Variants in GBF1 observed in about 807,000 individuals in gnomAD.
The protein encoded by GBF1 is Golgi-specific brefeldin A-resistance guanine nucleotide exchange factor 1.
Under a neutral mutation model 210.5 loss-of-function variants are expected in GBF1, and 114 were observed. The observed-to-expected ratio is 0.54, with a 90% CI of 0.47 to 0.63. GBF1 has a LOEUF of 0.63. Ranked by LOEUF, GBF1 falls within the 30% of genes least tolerant of loss-of-function variation. The pLI is 0.00. For synonymous variants in GBF1, 850 were observed against 889.2 expected, an observed-to-expected ratio of 0.96 and a Z score of 0.78; for missense variants, 1,851 against 2,357.7, an observed-to-expected ratio of 0.79 and a Z score of 4.45.
In GBF1 at chr10:102,379,449, G is replaced by T. The variant is rs777220312; in HGVS notation, c.4645+15G>T. The T allele has an allele frequency of 6.2e-7, 1 of 1,614,084 alleles. No individual in the cohort carries two copies. Among genetic ancestry groups the T allele is most frequent in the Non-Finnish European group, 8.5e-7 (1 of 1,180,006 alleles). On this transcript the variant is annotated intron_variant, in intron 34 of 39. Transcript: ENST00000369983. ...TTTACTGCAGGGTAAACCAGGAGGG[G>T]CAGAGGTAGGGAGTTTGGGGAGCAT...
intron 8 of GBF1, among the ~76,000 whole-genome samples, chr10:102,356,578 G>A (rs753895801): frequency 5.7e-4 from 86 of 151,866 alleles, no homozygotes; most frequent in Non-Finnish European, 1.1e-3. Context: ...ATCCTGGCTA[G>A]CACGGTGAAA....
chr10:102,317,269 AAAT>A (rs1264531441), intron 3 of GBF1, among the ~76,000 whole-genome samples: 4 of 152,350 alleles, frequency 2.6e-5, no homozygotes, highest in African/African-American at 9.6e-5. Context: ...TGTATCTAAA[AAAT>A]AATAATAGCC....
rs2296887 is a variant in GBF1, at chr10:102,245,653, T to C, written c.-139T>C. The C allele has an allele frequency of 0.12, 18,245 of 152,328 alleles. 1,537 individuals carry two copies. Among genetic ancestry groups the C allele is most frequent in the East Asian group, 0.35 (1,830 of 5,168 alleles). 9.4% of individuals were successfully genotyped at this position (152,328 alleles called of 1,614,324 possible). On this transcript the variant is annotated 5_prime_UTR_variant, in exon 1 of 40. Coordinates refer to ENST00000369983, the MANE Select transcript of GBF1 (RefSeq NM_001377137.1). ...CGGCCTCAATTTCCAGGAAACAGGC[T>C]CCTTCTCTTCTCCCATCTGCTACCA... is the stretch of plus-strand genomic sequence containing the variant.
At chr10:102,277,259 G>C (rs896429809) in intron 3 of GBF1, among the ~76,000 whole-genome samples, 1 of 152,108 alleles carries the variant, frequency 6.6e-6, no homozygotes, top group Non-Finnish European at 1.5e-5. Flanking sequence ...GGAGGTGAAG[G>C]CTGAAGTGAG....
chr10:102,307,185 T>C (rs183760184), intron 3 of GBF1, among the ~76,000 whole-genome samples: 206 of 152,324 alleles, frequency 1.4e-3, no homozygotes, highest in Admixed American at 2.9e-3. Flanking sequence ...CCCCACACTT[T>C]TGTTCCTGTT....
At chr10:102,232,130 G>C in the GBF1 span, 1 of 1,185,688 alleles carries the variant, frequency 8.4e-7, no homozygotes, top group Non-Finnish European at 1.2e-6. Flanking sequence ...GGTAATGGGG[G>C]TAAAATCTCC....
chr10:102,369,595 C>A, intron 24 of GBF1, 116 bp from the exon 25 acceptor site: 1 of 1,012,416 alleles, frequency 9.9e-7, no homozygotes. Flanking sequence ...CACCAATTGG[C>A]ACAATAGCAT....
Position 102,344,023 on chromosome 10 carries a change from C to G in GBF1, c.164-28C>G, listed in dbSNP as rs577289121. The G allele has an allele frequency of 2.1e-5, 34 of 1,602,672 alleles. No homozygotes were observed. The East Asian group carries it at 5.4e-4, about 25-fold the overall frequency. On this transcript the variant is annotated intron_variant, in intron 3 of 39. Transcript: ENST00000369983. ...GGTTTAGTTTTCTCTTAGATGATACCTCTTCATTTCTGTGTATTTTCTTGC... is the reference window on the plus strand; with the variant it reads ...GGTTTAGTTTTCTCTTAGATGATACGTCTTCATTTCTGTGTATTTTCTTGC...
rs142268101 is a variant in GBF1, at chr10:102,380,677, G to A, written c.5164G>A (p.Val1722Ile). 2.9e-5 allele frequency: 47 copies of A among 1,608,300 alleles called. No homozygotes were observed. In the East Asian group the frequency reaches 6.5e-4, roughly 22 times the overall value. ...HLRDELFKQT[V>I]IQDPMPMEPQ... is the part of the protein sequence containing the mutation. Reference sequence around the variant, plus strand: ...ACGAGATGAACTCTTCAAGCAGACCGTCATCCAGGGTAGGGGGCTCAGCCC... The same window carrying A: ...ACGAGATGAACTCTTCAAGCAGACCATCATCCAGGGTAGGGGGCTCAGCCC... Residue 1722 changes from valine (V) to isoleucine (I), a missense_variant, in exon 38 of 40, where the codon GTC becomes ATC. Transcript: ENST00000369983.
intron 3 of GBF1, among the ~76,000 whole-genome samples, chr10:102,291,890 C>CTTTTT (rs1223283560): frequency 1.6e-5 from 2 of 127,712 alleles, no homozygotes; most frequent in Non-Finnish European, 3.3e-5. Flanking sequence ...TAGAACTTTT[C>CTTTTT]TTTTTTTTTT....
rs975294923 is a variant in GBF1 at position 102,344,318 on chromosome 10, G to A, written c.295+136G>A. 10 of 748,836 alleles carry A rather than the reference G, an allele frequency of 1.3e-5. No homozygotes were observed. The African/African-American group carries it at 1.4e-4, about 10-fold the overall frequency. 46.4% of individuals were successfully genotyped at this position (748,836 alleles called of 1,614,324 possible). A position where few individuals can be genotyped will look rare whatever the true frequency, so the allele number is the denominator to read the frequency against. Reference sequence around the variant, plus strand: ...CCTCTTTTCTTGTAGAAGAGAAATAGGATTGTTGTTGGTTATTCATCATGC... The same window carrying A: ...CCTCTTTTCTTGTAGAAGAGAAATAAGATTGTTGTTGGTTATTCATCATGC... On this transcript the variant is annotated intron_variant, in intron 4 of 39. Transcript: ENST00000369983.
At chr10:102,252,019 A>G (rs952280284) in intron 1 of GBF1, among the ~76,000 whole-genome samples, 2 of 151,376 alleles carry the variant, frequency 1.3e-5, no homozygotes, top group Non-Finnish European at 1.5e-5. Context: ...TGAAACCCCA[A>G]CTCTACTAAA....
intron 1 of GBF1, among the ~76,000 whole-genome samples, chr10:102,253,982 A>G (rs939413413): frequency 7.2e-5 from 11 of 152,174 alleles, no homozygotes; most frequent in African/African-American, 2.6e-4. Flanking sequence ...TCTGTTGCCA[A>G]TTTTGGGGAG....
In GBF1 at chr10:102,368,362, C is replaced by T. The variant is rs771460264; in HGVS notation, c.2787C>T (p.Thr929=). 1 of 1,613,954 alleles carries T rather than the reference C, an allele frequency of 6.2e-7. No individual in the cohort carries two copies. ...CCAGCTATGATCTTGACCTCTTCAC[C>T]ATGACCTGGGGCCCCACTATTGCTG... ...PTASYDLDLF[T]MTWGPTIAAL... The change falls in exon 22 of 40, where the codon ACC becomes ACT. Residue 929 remains threonine, a synonymous_variant. Transcript: ENST00000369983.
At chr10:102,269,169 G>A (rs1272515719) in intron 3 of GBF1, among the ~76,000 whole-genome samples, 2 of 152,284 alleles carry the variant, frequency 1.3e-5, no homozygotes, top group African/African-American at 2.4e-5. Flanking sequence ...ACTGTAGGTC[G>A]AGTTGTGAAG....
chr10:102,359,077 A>T, intron 10 of GBF1, 190 bp from the exon 11 acceptor site: 1 of 606,830 alleles, frequency 1.6e-6, no homozygotes, highest in South Asian at 2.0e-5. Context: ...GTGAAGCCTC[A>T]GGAGATGTTT....
In GBF1 at chr10:102,375,573, C is replaced by T; in HGVS notation, c.3875C>T (p.Ala1292Val). ...CTGCAGGCCACAGCCAGGGCAGATG[C>T]ACCTGATGCCGGTAAGCCCTTTCCC... is the stretch of plus-strand genomic sequence containing the variant. ...AALQATARAD[A>V]PDAGAQSDSE... Residue 1292 changes from alanine (A) to valine (V), a missense_variant, in exon 30 of 40, where the codon GCA (alanine) becomes GTA (valine). Around this residue, in one of 3 missense-constraint regions of GBF1, gnomAD observed 967 missense variants for 1,247.7 expected, o/e 0.78. Transcript: ENST00000369983. The T allele has an allele frequency of 6.2e-7, 1 of 1,606,612 alleles. No individual in the cohort carries two copies. The highest frequency in any genetic ancestry group is 8.5e-7 in the Non-Finnish European group (1 of 1,173,370).
In GBF1 at chr10:102,377,080, T is replaced by A; in HGVS notation, c.4434T>A (p.Asp1478Glu). 2 of 1,614,126 alleles carry A rather than the reference T, an allele frequency of 1.2e-6. No homozygotes were observed. Among genetic ancestry groups the A allele is most frequent in the Non-Finnish European group, 1.7e-6 (2 of 1,180,012 alleles). Residue 1478 changes from aspartate to glutamate, a missense_variant, in exon 33 of 40, where the codon GAT becomes GAA. Physicochemically the swap from Asp to Glu is conservative, Grantham distance 45 (BLOSUM62 2). Transcript: ENST00000369983. ...QHASRGGQSDDDEDEGVPASY... is the reference protein window; with the variant it reads ...QHASRGGQSDEDEDEGVPASY... Reference sequence around the variant, plus strand: ...CCTCTCGGGGCGGGCAGAGTGATGATGATGAGGACGAAGGCGTGCCTGCCA... The same window carrying A: ...CCTCTCGGGGCGGGCAGAGTGATGAAGATGAGGACGAAGGCGTGCCTGCCA...
chr10:102,343,988 C>A, intron 3 of GBF1, 63 bp from the exon 4 acceptor site: 1 of 1,463,502 alleles, frequency 6.8e-7, no homozygotes, highest in Non-Finnish European at 9.5e-7. Context: ...AAACAAGAAA[C>A]TTTTTCCAGG....
Sources: allele counts gnomAD v4.1 joint callset (sites outside exome capture counted in the v4.1 genomes callset), GRCh38; gene constraint gnomAD v4.1.1; regional missense constraint gnomAD v4.1.1; transcripts MANE v1.5; gene names NCBI Gene and HGNC (gene_info 2026-07-23, HGNC 2026-07-21).